The following TRERF1 variants were observed in gnomAD, a reference collection of about 807,000 sequenced individuals.
The protein encoded by TRERF1 is transcriptional-regulating factor 1.
In TRERF1, 27 loss-of-function variants were observed where a neutral mutation model predicts 122.9. That is an observed-to-expected ratio of 0.22 (90% CI 0.16 to 0.30). TRERF1 has a LOEUF of 0.30. Among genes scored for constraint, TRERF1 ranks in the 10% least tolerant of loss-of-function variants. TRERF1 has a pLI of 1.00. For synonymous variants in TRERF1, 636 were observed against 641.7 expected, an observed-to-expected ratio of 0.99 and a Z score of 0.13; for missense variants, 1,248 against 1,560.3, an observed-to-expected ratio of 0.80 and a Z score of 3.37.
chr6:42,306,865 G>C (rs377000591), intron 3 of TRERF1, among the ~76,000 whole-genome samples: 31 of 152,314 alleles, frequency 2.0e-4, no homozygotes, highest in African/African-American at 7.2e-4. Flanking sequence ...CTCTATCAGG[G>C]CATGGGCTAT....
At chr6:42,347,189 C>G (rs1227145233) in intron 3 of TRERF1, among the ~76,000 whole-genome samples, 1 of 152,174 alleles carries the variant, frequency 6.6e-6, no homozygotes, top group Non-Finnish European at 1.5e-5. Flanking sequence ...GCTCTTGAAG[C>G]CATCTCCATT....
chr6:42,255,661 G>A (rs532026166), intron 12 of TRERF1, among the ~76,000 whole-genome samples: 1 of 152,356 alleles, frequency 6.6e-6, no homozygotes, highest in African/African-American at 2.4e-5. Context: ...CTGCCACACT[G>A]ATCTCAAAGG....
At chr6:42,280,339 C>T (rs975630541) in intron 4 of TRERF1, among the ~76,000 whole-genome samples, 1 of 152,162 alleles carries the variant, frequency 6.6e-6, no homozygotes, top group Non-Finnish European at 1.5e-5. Flanking sequence ...TCCGAGGATC[C>T]GGTTCTGGCC....
chr6:42,375,631 G>A (rs545275308), intron 2 of TRERF1, among the ~76,000 whole-genome samples: 7 of 152,300 alleles, frequency 4.6e-5, no homozygotes, highest in African/African-American at 1.4e-4. Context: ...CAGGGACCAC[G>A]AAGAACATGA....
At chr6:42,353,969 A>AT (rs1201640818) in intron 3 of TRERF1, among the ~76,000 whole-genome samples, 2 of 152,198 alleles carry the variant, frequency 1.3e-5, no homozygotes. Flanking sequence ...TATTACTTTA[A>AT]TTTTTTTATG....
At chr6:42,315,710 C>G (rs1304154782) in intron 3 of TRERF1, among the ~76,000 whole-genome samples, 1 of 149,204 alleles carries the variant, frequency 6.7e-6, no homozygotes, top group African/African-American at 2.5e-5. Flanking sequence ...AACACCACCC[C>G]CCCCCCCACC....
chr6:42,269,454 T>A lies in TRERF1; in HGVS notation c.137A>T (p.Asp46Val), dbSNP rs373396860. ...GGAGATTGGCGAGGCCTGAGGGGCA[T>A]CCATTCCGCCCCCTGTAACTGCATT... Residue 46 changes from aspartate to valine, a missense_variant, in exon 5 of 18, where the codon GAT becomes GTT. This residue lies in a region of TRERF1 where 946 missense variants were observed against 1,073.0 expected (regional missense o/e 0.88). Transcript: ENST00000372922. This position sits in a 1 kb window ranked among gnomAD's most constrained non-coding sequence, Gnocchi z 4.9. 1.5e-5 allele frequency: 24 copies of A among 1,614,034 alleles called. No individual in the cohort carries two copies. Among genetic ancestry groups the A allele is most frequent in the Non-Finnish European group, 2.0e-5 (24 of 1,180,036 alleles).
At chr6:42,247,374 T>C (rs1231702860) in intron 13 of TRERF1, among the ~76,000 whole-genome samples, 1 of 152,220 alleles carries the variant, frequency 6.6e-6, no homozygotes, top group Non-Finnish European at 1.5e-5. Flanking sequence ...GCTTACTAAG[T>C]GGCAGGTTCT....
Position 42,228,473 on chromosome 6 carries a change from C to A in TRERF1, c.3475G>T (p.Val1159Leu). 1 of 1,614,214 alleles carries A rather than the reference C, an allele frequency of 6.2e-7. No homozygotes were observed. Among genetic ancestry groups the A allele is most frequent in the Non-Finnish European group, 8.5e-7 (1 of 1,180,040 alleles). ...ACGACGTCGTCGTCGAGGATGTCCA[C>A]ATCCTTGATGGGTTTGATCAGACTC... The change falls in exon 18 of 18, where the codon GTG (valine) becomes TTG (leucine). Residue 1159 changes from valine (V) to leucine (L), a missense_variant. Transcript: ENST00000372922. The surrounding 1 kb of genome is among the most constrained non-coding windows in gnomAD (Gnocchi z 4.2).
chr6:42,437,042 C>T (rs951141876), intron 2 of TRERF1, among the ~76,000 whole-genome samples: 23 of 151,904 alleles, frequency 1.5e-4, no homozygotes, highest in African/African-American at 5.1e-4. Flanking sequence ...TCCATAAATA[C>T]GTCATCATCA....
intron 2 of TRERF1, 28 bp from the exon 3 acceptor site, chr6:42,363,107 C>G (rs1338196782): frequency 6.5e-6 from 1 of 152,728 alleles, no homozygotes; most frequent in Non-Finnish European, 1.5e-5. Context: ...AGAGCACAGT[C>G]AGGACATCTG....
At chr6:42,341,446 A>G (rs886840391) in intron 3 of TRERF1, among the ~76,000 whole-genome samples, 6 of 152,250 alleles carry the variant, frequency 3.9e-5, no homozygotes, top group African/African-American at 1.4e-4. Context: ...ATGTCTGCTA[A>G]GGATTTTCAT....
In TRERF1 at chr6:42,251,211, G is replaced by T. The variant is rs6907515; in HGVS notation, c.2656+3640C>A. On this transcript the variant is annotated intron_variant, in intron 13 of 17. Coordinates refer to ENST00000372922, the Ensembl canonical transcript of TRERF1. ...GGGTTTCACCATGTTTTCCAGGCTG[G>T]TGTCGAACTCCTGAGCTTAAGCGAT... Among the ~76,000 whole-genome samples, 752 of 152,018 alleles carry T rather than the reference G, an allele frequency of 4.9e-3. 10 individuals carry two copies. The highest frequency in any genetic ancestry group is 0.017 in the African/African-American group (704 of 41,468).
In TRERF1 at chr6:42,374,150, A is replaced by AAAAG. The variant is rs1554193489; in HGVS notation, c.-453-11072_-453-11071insCTTT. The stretch of plus-strand genomic sequence containing the variant: ...CTGTCTTTTTTTTAAAAAAAAAAAA[A>AAAAG]AAGAAGAAGAAGAAGAAGAAGAAGA... On this transcript the variant is annotated intron_variant, in intron 2 of 17. Transcript: ENST00000372922. Among the ~76,000 whole-genome samples the AAAAG allele has an allele frequency of 4.6e-3, 662 of 144,006 alleles. 4 individuals carry two copies. Among genetic ancestry groups the AAAAG allele is most frequent in the East Asian group, 0.01 (44 of 4,300 alleles). 94.5% of individuals were successfully genotyped at this position (144,006 alleles called of 152,430 possible). A position where few individuals can be genotyped will look rare whatever the true frequency, so the allele number is the denominator to read the frequency against.
chr6:42,333,670 G>A (rs1253417535), intron 3 of TRERF1, among the ~76,000 whole-genome samples: 1 of 152,226 alleles, frequency 6.6e-6, no homozygotes, highest in East Asian at 1.9e-4. Flanking sequence ...GCACAGGGGT[G>A]GAAAATAACT....
intron 2 of TRERF1, among the ~76,000 whole-genome samples, chr6:42,442,590 C>CCTTCA (rs1786725257): frequency 6.6e-6 from 1 of 152,194 alleles, no homozygotes; most frequent in Admixed American, 6.5e-5. Flanking sequence ...CAAGTCTTGG[C>CCTTCA]CTTCATTATA....
chr6:42,383,119 ACTGAGG>A (rs1229688638), intron 2 of TRERF1, among the ~76,000 whole-genome samples: 2 of 151,986 alleles, frequency 1.3e-5, no homozygotes, highest in African/African-American at 4.8e-5. Context: ...TACTAGGGAG[ACTGAGG>A]TAGGAGGATT....
chr6:42,437,164 T>C (rs922152477), intron 2 of TRERF1, among the ~76,000 whole-genome samples: 2 of 152,142 alleles, frequency 1.3e-5, no homozygotes, highest in Admixed American at 1.3e-4. Context: ...GAAGTGACCC[T>C]CCTAGGGACA....
At chr6:42,436,644 A>G (rs1785411550) in intron 2 of TRERF1, among the ~76,000 whole-genome samples, 2 of 151,790 alleles carry the variant, frequency 1.3e-5, no homozygotes, top group African/African-American at 4.8e-5. Flanking sequence ...TAAATTTTTA[A>G]TCACTAGACT....
Sources: allele counts gnomAD v4.1 joint callset (sites outside exome capture counted in the v4.1 genomes callset), GRCh38; gene constraint gnomAD v4.1.1; regional missense constraint gnomAD v4.1.1; non-coding constraint Gnocchi (gnomAD v3.1); transcripts MANE v1.5; gene names NCBI Gene and HGNC (gene_info 2026-07-23, HGNC 2026-07-21).